CMYA5: variants seen among roughly 807,000 people sequenced by gnomAD.
CMYA5 encodes the protein cardiomyopathy associated 5.
In CMYA5, 246 loss-of-function variants were observed where a neutral mutation model predicts 318.9. The observed-to-expected ratio is 0.77, with a 90% CI of 0.70 to 0.86. The LOEUF is 0.86. Among genes scored for constraint, CMYA5 ranks in the 40% least tolerant of loss-of-function variants. The pLI, the probability that CMYA5 is intolerant of heterozygous loss-of-function variation, is 0.00. For missense variants in CMYA5, 4,589 were observed against 4,678.2 expected (o/e 0.98, Z 0.56); for synonymous variants, 1,641 against 1,729.5 (o/e 0.95, Z 1.27).
chr5:79,735,153 A>C lies in CMYA5; in HGVS notation c.6388A>C (p.Thr2130Pro). Residue 2130 changes from threonine to proline, a missense_variant, in exon 2 of 13, where the codon ACA becomes CCA. By Grantham distance (38) the Thr-to-Pro change is conservative. Coordinates refer to ENST00000446378, the MANE Select transcript of CMYA5 (RefSeq NM_153610.5). ...KKPSPEVKIP[T>P]QRKPISSIHA... ...ACCATCACCTGAAGTAAAAATACCC[A>C]CACAAAGAAAACCCATCTCCTCAAT... The C allele has an allele frequency of 2.5e-6, 4 of 1,613,608 alleles. No homozygotes were observed. The highest frequency in any genetic ancestry group is 3.4e-6 in the Non-Finnish European group (4 of 1,179,762).
intron 1 of CMYA5, among the ~76,000 whole-genome samples, chr5:79,698,032 A>C (rs1209386011): frequency 6.6e-6 from 1 of 152,230 alleles, no homozygotes; most frequent in East Asian, 1.9e-4. Flanking sequence ...TATATGCTGT[A>C]TGGGATCATG....
At chr5:79,739,682 A>G (rs1417825728) in intron 2 of CMYA5, among the ~76,000 whole-genome samples, 8 of 151,972 alleles carry the variant, frequency 5.3e-5, no homozygotes, top group Admixed American at 5.2e-4. Flanking sequence ...ACACACACAC[A>G]CACAAAACAA....
intron 1 of CMYA5, among the ~76,000 whole-genome samples, chr5:79,706,026 G>T (rs1049307427): frequency 6.6e-6 from 1 of 152,170 alleles, no homozygotes; most frequent in Admixed American, 6.5e-5. Flanking sequence ...CCAGCAGCCC[G>T]CAATGCAACA....
rs201943461 is a variant in CMYA5, at chr5:79,735,872, T to A, written c.7107T>A (p.Asp2369Glu). 150 of 1,576,264 alleles carry A rather than the reference T, an allele frequency of 9.5e-5. 1 individual carries two copies. In the African/African-American group the frequency reaches 1.9e-3, roughly 20 times the overall value. ...ISIFKEEPRS[D>E]QKQKSLLSFD... ...TTTTTAAGGAAGAGCCAAGAAGTGA[T>A]CAAAAACAAAAATCACTCCTTTCAT... The change falls in exon 2 of 13, where the codon GAT becomes GAA. Residue 2369 changes from aspartate to glutamate, a missense_variant. By Grantham distance (45) the Asp-to-Glu change is conservative. Around this residue, in one of 3 missense-constraint regions of CMYA5, gnomAD observed 2,431 missense variants for 2,495.1 expected, o/e 0.97. Transcript: ENST00000446378.
At chr5:79,760,948 G>T (rs999586455) in intron 7 of CMYA5, among the ~76,000 whole-genome samples, 1 of 152,128 alleles carries the variant, frequency 6.6e-6, no homozygotes, top group Non-Finnish European at 1.5e-5. Flanking sequence ...AAGAGCTCCC[G>T]ATTTTCTTTT....
intron 1 of CMYA5, among the ~76,000 whole-genome samples, chr5:79,711,628 T>G (rs1827392806): frequency 6.6e-6 from 1 of 152,224 alleles, no homozygotes; most frequent in South Asian, 2.1e-4. Flanking sequence ...GGTTTGAGAA[T>G]AAATAAAAAA....
In CMYA5 at chr5:79,789,026, AACT is replaced by A. The variant is rs1274268262; in HGVS notation, c.11615_11617del (p.Tyr3872del). On this transcript the variant is annotated inframe_deletion, in exon 10 of 13. Coordinates refer to ENST00000446378, the MANE Select transcript of CMYA5 (RefSeq NM_153610.5). ...GAAAGTTAACCTCCAACCCAATGAT[AACT>A]ACTTTTTCTATGTGAGGGCCATCAA... is the stretch of plus-strand genomic sequence containing the variant. The A allele has an allele frequency of 6.2e-7, 1 of 1,613,782 alleles. No homozygotes were observed. Among genetic ancestry groups the A allele is most frequent in the African/African-American group, 1.3e-5 (1 of 74,914 alleles).
At chr5:79,702,427 C>T (rs1161487315) in intron 1 of CMYA5, among the ~76,000 whole-genome samples, 5 of 152,028 alleles carry the variant, frequency 3.3e-5, no homozygotes, top group Non-Finnish European at 5.9e-5. Flanking sequence ...ATTATTTGGC[C>T]ATAAAAAGGA....
intron 1 of CMYA5, among the ~76,000 whole-genome samples, chr5:79,727,909 C>G (rs999558628): frequency 6.6e-6 from 1 of 152,200 alleles, no homozygotes; most frequent in Non-Finnish European, 1.5e-5. Context: ...CTTCTGTATC[C>G]TGTAGCAGCT....
Position 79,735,144 on chromosome 5 carries a change from A to G in CMYA5, c.6379A>G (p.Lys2127Glu). 2 of 1,613,640 alleles carry G rather than the reference A, an allele frequency of 1.2e-6. No individual in the cohort carries two copies. Among genetic ancestry groups the G allele is most frequent in the Non-Finnish European group, 1.7e-6 (2 of 1,179,756 alleles). ...GGGAAAGAAACCATCACCTGAAGTA[A>G]AAATACCCACACAAAGAAAACCCAT... ...DEGKKPSPEV[K>E]IPTQRKPISS... The change falls in exon 2 of 13, where the codon AAA becomes GAA. Residue 2127 changes from lysine (K) to glutamate (E), a missense_variant. This residue lies in a region of CMYA5 where 2,431 missense variants were observed against 2,495.1 expected (regional missense o/e 0.97). Transcript: ENST00000446378.
At chr5:79,722,117 C>G (rs139741607) in intron 1 of CMYA5, among the ~76,000 whole-genome samples, 4 of 152,278 alleles carry the variant, frequency 2.6e-5, no homozygotes, top group East Asian at 3.9e-4. Flanking sequence ...AATAAATTCT[C>G]TGATCACAAT....
rs759870417 is a variant in CMYA5, at chr5:79,758,880, A to G, written c.11238A>G (p.Pro3746=). Residue 3746 remains proline (P), a synonymous_variant, in exon 7 of 13, where the codon CCA becomes CCG. Coordinates refer to ENST00000446378, the MANE Select transcript of CMYA5 (RefSeq NM_153610.5). ...TTCAGGTTTACTGCATGGAGGAGCC[A>G]CAAGATGATCAAGAAGTAAATGGTA... The part of the protein sequence containing the change: ...DSFQVYCMEE[P]QDDQEVNELV... 1 of 1,591,966 alleles carries G rather than the reference A, an allele frequency of 6.3e-7. No homozygotes were observed. The highest frequency in any genetic ancestry group is 8.5e-7 in the Non-Finnish European group (1 of 1,169,782).
Position 79,736,157 on chromosome 5 carries a change from A to G in CMYA5, c.7392A>G (p.Ser2464=), listed in dbSNP as rs1417550916. Residue 2464 remains serine (S), a synonymous_variant, in exon 2 of 13, where the codon TCA becomes TCG. Coordinates refer to ENST00000446378, the MANE Select transcript of CMYA5 (RefSeq NM_153610.5). ...AGAAAGATAATTTGGAAAACAGATC[A>G]TATACCTTGGCAGAAAAGAAGGTGC... ...TEKKDNLENR[S]YTLAEKKVLA... The G allele has an allele frequency of 1.2e-6, 2 of 1,613,842 alleles. No homozygotes were observed. Among genetic ancestry groups the G allele is most frequent in the Non-Finnish European group, 1.7e-6 (2 of 1,179,790 alleles).
At chr5:79,690,501 G>T (rs1423254103) in intron 1 of CMYA5, among the ~76,000 whole-genome samples, 3 of 152,090 alleles carry the variant, frequency 2.0e-5, no homozygotes, top group Non-Finnish European at 2.9e-5. Context: ...CTGCAATAAG[G>T]TGACCTTATT....
rs1827830028 is a variant in CMYA5, at chr5:79,729,627, G to A, written c.862G>A (p.Val288Ile). ...TACAGTGTCCAAAACACGCAAATTA[G>A]TAGCCCAAAGCATAGAGGATAAAGT... The part of the protein sequence containing the change: ...SNTVSKTRKL[V>I]AQSIEDKVKE... Residue 288 changes from valine (V) to isoleucine (I), a missense_variant, in exon 2 of 13, where the codon GTA (valine) becomes ATA (isoleucine). Physicochemically the swap from Val to Ile is conservative, Grantham distance 29. Coordinates refer to ENST00000446378, the MANE Select transcript of CMYA5 (RefSeq NM_153610.5). 9 of 1,613,768 alleles carry A rather than the reference G, an allele frequency of 5.6e-6. No individual in the cohort carries two copies. The highest frequency in any genetic ancestry group is 1.1e-5 in the South Asian group (1 of 91,044).
At chr5:79,693,129 A>T (rs186882651) in intron 1 of CMYA5, among the ~76,000 whole-genome samples, 1 of 152,218 alleles carries the variant, frequency 6.6e-6, no homozygotes, top group Non-Finnish European at 1.5e-5. Context: ...GTTTTGAATC[A>T]TAATAAAATG....
chr5:79,778,479 T>C (rs1828985781), intron 9 of CMYA5, among the ~76,000 whole-genome samples: 1 of 152,220 alleles, frequency 6.6e-6, no homozygotes, highest in African/African-American at 2.4e-5. Flanking sequence ...AATCTTATTT[T>C]AGTTTAACTG....
In CMYA5 at chr5:79,736,269, T is replaced by A; in HGVS notation, c.7504T>A (p.Ser2502Thr). 1 of 1,613,282 alleles carries A rather than the reference T, an allele frequency of 6.2e-7. No individual in the cohort carries two copies. The highest frequency in any genetic ancestry group is 8.5e-7 in the Non-Finnish European group (1 of 1,179,700). ...GKTQITLGSRSTELKESKADA... is the reference protein window; with the variant it reads ...GKTQITLGSRTTELKESKADA... Reference sequence around the variant, plus strand: ...GACACAAATTACACTTGGATCTAGATCTACTGAACTGAAAGAATCAAAAGC... The same window carrying A: ...GACACAAATTACACTTGGATCTAGAACTACTGAACTGAAAGAATCAAAAGC... Residue 2502 changes from serine (S) to threonine (T), a missense_variant, in exon 2 of 13, where the codon TCT (serine) becomes ACT (threonine). This residue lies in a region of CMYA5 where 2,431 missense variants were observed against 2,495.1 expected (regional missense o/e 0.97). Transcript: ENST00000446378.
chr5:79,692,783 ACCTTCTGCCCACCATTCAT>A (rs1338833281), intron 1 of CMYA5, among the ~76,000 whole-genome samples: 1 of 152,250 alleles, frequency 6.6e-6, no homozygotes, highest in Non-Finnish European at 1.5e-5. Flanking sequence ...GGAAGGCTCT[ACCTTCTGCCCACCATTCAT>A]CCATGAAGGG....
Sources: gnomAD v4.1 joint callset for allele counts (sites outside exome capture counted in the v4.1 genomes callset) on GRCh38, gnomAD v4.1.1 for gene constraint, gnomAD v4.1.1 regional missense constraint, MANE v1.5 for transcripts, NCBI Gene and HGNC (gene_info 2026-07-23, HGNC 2026-07-21) for gene names.